Variants in CSMD1 observed in about 807,000 individuals in gnomAD.
CSMD1 encodes CUB and Sushi multiple domains 1, also known as CUB and sushi domain-containing protein 1.
CSMD1 carries 213 observed loss-of-function variants against 417.5 expected under a neutral mutation model. The ratio of observed to expected loss-of-function variants is 0.51; its 90% CI spans 0.46 to 0.57. The LOEUF (loss-of-function observed/expected upper bound fraction) is 0.57. CSMD1 is among the 20% of genes least tolerant of loss of function. CSMD1 has a pLI of 0.00. For missense variants in CSMD1, 6,923 were observed against 4,529.7 expected (o/e 1.53, Z -15.17); for synonymous variants, 2,862 against 1,736.8 (o/e 1.65, Z -16.11).
chr8:3,344,404 T>C (rs1385687678), intron 22 of CSMD1, among the ~76,000 whole-genome samples: 1 of 152,154 alleles, frequency 6.6e-6, no homozygotes, highest in African/African-American at 2.4e-5. Flanking sequence ...GGCACATGTA[T>C]ACCTGGGTAA....
intron 10 of CSMD1, among the ~76,000 whole-genome samples, chr8:3,559,105 C>A (rs573833799): frequency 3.0e-4 from 45 of 152,322 alleles, no homozygotes; most frequent in African/African-American, 1.1e-3. Context: ...CTGATTTTAA[C>A]TTTGCTATCA....
At chr8:3,862,453 C>A (rs957792645) in intron 5 of CSMD1, among the ~76,000 whole-genome samples, 2 of 152,144 alleles carry the variant, frequency 1.3e-5, no homozygotes, top group Admixed American at 1.3e-4. Context: ...TGTTCCTTCT[C>A]GTAATTCAAA....
At chr8:4,490,755 T>A (rs1023377717) in intron 2 of CSMD1, among the ~76,000 whole-genome samples, 1 of 152,216 alleles carries the variant, frequency 6.6e-6, no homozygotes, top group Non-Finnish European at 1.5e-5. Flanking sequence ...CAGGGTCAGA[T>A]TGTGCACTAG....
At chr8:4,675,026 G>A (rs551318098) in intron 1 of CSMD1, among the ~76,000 whole-genome samples, 49 of 152,314 alleles carry the variant, frequency 3.2e-4, no homozygotes, top group African/African-American at 1.1e-3. Context: ...GAACTAAACT[G>A]GCTGCACCTT....
intron 1 of CSMD1, among the ~76,000 whole-genome samples, chr8:4,921,666 G>A (rs541660754): frequency 2.7e-4 from 41 of 152,296 alleles, no homozygotes; most frequent in African/African-American, 9.6e-4. Context: ...CAGAAGTGAT[G>A]GGTGTGTGTG....
chr8:3,473,526 T>C (rs1370111897), intron 11 of CSMD1, among the ~76,000 whole-genome samples: 9 of 152,212 alleles, frequency 5.9e-5, no homozygotes, highest in Admixed American at 1.3e-4. Flanking sequence ...TTGCTAACAC[T>C]GAGATATTAT....
chr8:3,995,883 A>T (rs770912548), intron 5 of CSMD1, among the ~76,000 whole-genome samples: 2 of 152,178 alleles, frequency 1.3e-5, no homozygotes, highest in African/African-American at 2.4e-5. Flanking sequence ...CCCACTGATA[A>T]CTTTCCCACC....
In CSMD1 at chr8:4,031,803, A is replaced by T. The variant is rs150020774; in HGVS notation, c.610+102T>A. ...GAGCTGACATTGTAAGAGTCAGCTC[A>T]ACATGTATTATTTTCATTTAAGTGG... On this transcript the variant is annotated intron_variant, in intron 4 of 69. Transcript: ENST00000635120. The T allele has an allele frequency of 3.5e-6, 3 of 856,686 alleles. No individual in the cohort carries two copies. In the African/African-American group the frequency reaches 5.1e-5, roughly 15 times the overall value. 53.1% of individuals were successfully genotyped at this position (856,686 alleles called of 1,614,324 possible).
chr8:4,215,442 T>G (rs892875904), intron 3 of CSMD1, among the ~76,000 whole-genome samples: 1 of 152,074 alleles, frequency 6.6e-6, no homozygotes, highest in East Asian at 1.9e-4. Flanking sequence ...AAAGACTCAA[T>G]GCTTCCTGAA....
intron 3 of CSMD1, among the ~76,000 whole-genome samples, chr8:4,044,339 G>A (rs147627518): frequency 6.6e-6 from 1 of 152,120 alleles, no homozygotes; most frequent in Non-Finnish European, 1.5e-5. Context: ...ATAACACAAT[G>A]CAATTCTGTT....
intron 5 of CSMD1, among the ~76,000 whole-genome samples, chr8:3,755,785 T>C (rs1055602229): frequency 6.6e-6 from 1 of 152,132 alleles, no homozygotes; most frequent in African/African-American, 2.4e-5. Context: ...ATTACAACAG[T>C]GTTTATGCCA....
chr8:3,817,132 G>T (rs1363841348), intron 5 of CSMD1, among the ~76,000 whole-genome samples: 1 of 151,708 alleles, frequency 6.6e-6, no homozygotes, highest in Non-Finnish European at 1.5e-5. Context: ...AGCTCTTCAT[G>T]ATGAAGGGAC....
At chr8:3,589,341 G>A (rs1214280162) in intron 8 of CSMD1, among the ~76,000 whole-genome samples, 1 of 151,870 alleles carries the variant, frequency 6.6e-6, no homozygotes, top group Non-Finnish European at 1.5e-5. Context: ...TCAATGCAGG[G>A]GTCCAACACT....
At chr8:3,907,923 G>A (rs1563199505) in intron 5 of CSMD1, among the ~76,000 whole-genome samples, 1 of 152,136 alleles carries the variant, frequency 6.6e-6, no homozygotes, top group South Asian at 2.1e-4. Context: ...GAAACAACAT[G>A]CATTCACTGA....
chr8:4,789,951 G>T (rs370555487), intron 1 of CSMD1, among the ~76,000 whole-genome samples: 1 of 152,114 alleles, frequency 6.6e-6, no homozygotes, highest in African/African-American at 2.4e-5. Context: ...CCCGAAAAAC[G>T]TATCTTAAAG....
intron 61 of CSMD1, among the ~76,000 whole-genome samples, chr8:2,961,509 A>G (rs1305462567): frequency 1.3e-5 from 2 of 152,120 alleles, no homozygotes; most frequent in Non-Finnish European, 2.9e-5. Flanking sequence ...TATTTGGTCA[A>G]TGATATACTA....
At chr8:3,205,177 C>G (rs1585648413) in intron 31 of CSMD1, among the ~76,000 whole-genome samples, 1 of 152,198 alleles carries the variant, frequency 6.6e-6, no homozygotes, top group African/African-American at 2.4e-5. Flanking sequence ...CCACCCACTA[C>G]TTTATGAGAA....
chr8:3,767,442 C>G (rs934221554), intron 5 of CSMD1, among the ~76,000 whole-genome samples: 4 of 152,206 alleles, frequency 2.6e-5, no homozygotes, highest in Admixed American at 6.5e-5. Context: ...ACGATATGTG[C>G]TACTGCAGAC....
chr8:3,237,329 T>A (rs985374549), intron 26 of CSMD1, among the ~76,000 whole-genome samples: 1 of 151,556 alleles, frequency 6.6e-6, no homozygotes, highest in African/African-American at 2.4e-5. Context: ...TAGCTGGTCA[T>A]GGTGGTGTGT....
Sources: gnomAD v4.1 joint callset for allele counts (sites outside exome capture counted in the v4.1 genomes callset) on GRCh38, gnomAD v4.1.1 for gene constraint, MANE v1.5 for transcripts, NCBI Gene and HGNC (gene_info 2026-07-23, HGNC 2026-07-21) for gene names.